OSBPL3: variants seen among roughly 807,000 people sequenced by gnomAD.
OSBPL3 encodes oxysterol-binding protein-related protein 3.
Under a neutral mutation model 120.1 loss-of-function variants are expected in OSBPL3, and 65 were observed. That is an observed-to-expected ratio of 0.54 (90% CI 0.44 to 0.67). OSBPL3 has a LOEUF of 0.67. OSBPL3 is among the 30% of genes least tolerant of loss of function. The pLI, the probability that OSBPL3 is intolerant of heterozygous loss-of-function variation, is 0.00. For synonymous variants in OSBPL3, 416 were observed against 402.6 expected, an observed-to-expected ratio of 1.03 and a Z score of -0.40; for missense variants, 1,004 against 1,082.1, an observed-to-expected ratio of 0.93 and a Z score of 1.01.
At position 24,808,007 on chromosome 7, in the gene OSBPL3, C is replaced by T. The variant is rs1480603664; in HGVS notation, c.2318-1105G>A. Among the ~76,000 whole-genome samples the T allele has an allele frequency of 6.6e-6, 1 of 152,108 alleles. No homozygotes were observed. The highest frequency in any genetic ancestry group is 1.5e-5 in the Non-Finnish European group (1 of 68,024). On this transcript the variant is annotated intron_variant, in intron 20 of 22. Transcript: ENST00000313367. This position sits in a 1 kb window ranked among gnomAD's most constrained non-coding sequence, Gnocchi z 4.6. ...CTACTTCCAGGGTTTAAGTGATTCTCATGCCTCACCCTCCTGAGTAGCTGG... is the reference window on the plus strand; with the variant it reads ...CTACTTCCAGGGTTTAAGTGATTCTTATGCCTCACCCTCCTGAGTAGCTGG...
At chr7:24,869,549 T>C (rs1801819505) in intron 5 of OSBPL3, among the ~76,000 whole-genome samples, 1 of 152,198 alleles carries the variant, frequency 6.6e-6, no homozygotes, top group African/African-American at 2.4e-5. Flanking sequence ...TTTGTTGTCA[T>C]AACTGGAGAA....
rs1372028468 is a variant in OSBPL3 at position 24,820,554 on chromosome 7, C to A, written c.1885-316G>T. ...AAAGACATAAAAATAAAAACGGAGACATGTGAGGACTGCTCATCCATAACA... is the reference window on the plus strand; with the variant it reads ...AAAGACATAAAAATAAAAACGGAGAAATGTGAGGACTGCTCATCCATAACA... On this transcript the variant is annotated intron_variant, in intron 16 of 22. Coordinates refer to ENST00000313367, the MANE Select transcript of OSBPL3 (RefSeq NM_015550.4). The surrounding 1 kb of genome is among the most constrained non-coding windows in gnomAD (Gnocchi z 4.6). 6.6e-6 allele frequency among the ~76,000 whole-genome samples: 1 copy of A among 152,162 alleles called. No individual in the cohort carries two copies. The highest frequency in any genetic ancestry group is 1.9e-4 in the East Asian group (1 of 5,198).
chr7:24,841,206 T>TTA (rs1206174361), intron 13 of OSBPL3, among the ~76,000 whole-genome samples: 1 of 152,170 alleles, frequency 6.6e-6, no homozygotes, highest in Non-Finnish European at 1.5e-5. Context: ...GTACACACTG[T>TTA]TAACTATAAT....
rs1212212260 is a variant in OSBPL3 at position 24,849,594 on chromosome 7, C to A, written c.1159-418G>T. ...TCTGCTTTGAAGAATATGCTGGCCC[C>A]ATCCCTTATGATTGGACATATTTCA... On this transcript the variant is annotated intron_variant, in intron 11 of 22. Coordinates refer to ENST00000313367, the MANE Select transcript of OSBPL3 (RefSeq NM_015550.4). The surrounding 1 kb of genome is among the most constrained non-coding windows in gnomAD (Gnocchi z 5.4). 1.3e-5 allele frequency among the ~76,000 whole-genome samples: 2 copies of A among 152,216 alleles called. No homozygotes were observed. The highest frequency in any genetic ancestry group is 2.9e-5 in the Non-Finnish European group (2 of 68,044).
rs553109805 is a variant in OSBPL3 at position 24,966,323 on chromosome 7, C to G, written c.-150+13563G>C. ...AGACAAAGGTGTCTTATCTGTGGGT[C>G]AGAAAAGGCAGTCATCTAATATAAA... On this transcript the variant is annotated intron_variant, in intron 1 of 22. Coordinates refer to ENST00000313367, the MANE Select transcript of OSBPL3 (RefSeq NM_015550.4). The surrounding 1 kb of genome is among the most constrained non-coding windows in gnomAD (Gnocchi z 4.8). Among the ~76,000 whole-genome samples the G allele has an allele frequency of 3.2e-4, 49 of 152,152 alleles. No individual in the cohort carries two copies. The highest frequency in any genetic ancestry group is 1.2e-3 in the African/African-American group (48 of 41,442).
chr7:24,905,888 C>T (rs900978673), intron 1 of OSBPL3, among the ~76,000 whole-genome samples: 3 of 152,084 alleles, frequency 2.0e-5, no homozygotes, highest in Non-Finnish European at 4.4e-5. Context: ...AAAAGTTAGC[C>T]AAGTGTGGTG....
intron 15 of OSBPL3, among the ~76,000 whole-genome samples, chr7:24,832,019 A>G (rs1796427275): frequency 6.6e-6 from 1 of 151,982 alleles, no homozygotes; most frequent in African/African-American, 2.4e-5. Flanking sequence ...CCTGGACAAC[A>G]TGGCGAAACC....
chr7:24,861,791 A>G, intron 9 of OSBPL3, 22 bp from the exon 10 acceptor site: 1 of 1,524,548 alleles, frequency 6.6e-7, no homozygotes, highest in Non-Finnish European at 8.9e-7. Flanking sequence ...CCAAAGGGAG[A>G]TATTTCTTTT....
At position 24,962,591 on chromosome 7, in the gene OSBPL3, C is replaced by G. The variant is rs558496437; in HGVS notation, c.-150+17295G>C. ...ACGACCCAGGTGGGAACAACCAGAG[C>G]CAAGAATCATCTGTAGAACTAATAT... On this transcript the variant is annotated intron_variant, in intron 1 of 22. Transcript: ENST00000313367. Among the ~76,000 whole-genome samples, 84 of 152,198 alleles carry G rather than the reference C, an allele frequency of 5.5e-4. 1 individual carries two copies. Among genetic ancestry groups the G allele is most frequent in the African/African-American group, 1.9e-3 (80 of 41,526 alleles).
intron 19 of OSBPL3, among the ~76,000 whole-genome samples, chr7:24,810,584 T>C (rs1793667551): frequency 6.6e-6 from 1 of 152,164 alleles, no homozygotes; most frequent in African/African-American, 2.4e-5. Context: ...TTTTCAAGTA[T>C]ACAACACAGT....
chr7:24,941,023 G>A (rs1292626013), intron 1 of OSBPL3, among the ~76,000 whole-genome samples: 1 of 152,098 alleles, frequency 6.6e-6, no homozygotes, highest in African/African-American at 2.4e-5. Context: ...GTTTCACCAT[G>A]TTAGCCAGGA....
intron 1 of OSBPL3, among the ~76,000 whole-genome samples, chr7:24,956,663 C>T (rs1340193832): frequency 6.6e-6 from 1 of 152,172 alleles, no homozygotes; most frequent in Non-Finnish European, 1.5e-5. Flanking sequence ...TTGTATTCTT[C>T]CTTGTAAAAC....
rs1233206704 is a variant in OSBPL3, at chr7:24,872,831, A to G, written c.97-762T>C. Among the ~76,000 whole-genome samples, 1 of 152,204 alleles carries G rather than the reference A, an allele frequency of 6.6e-6. No individual in the cohort carries two copies. The highest frequency in any genetic ancestry group is 2.4e-5 in the African/African-American group (1 of 41,454). On this transcript the variant is annotated intron_variant, in intron 2 of 22. Coordinates refer to ENST00000313367, the MANE Select transcript of OSBPL3 (RefSeq NM_015550.4). This position sits in a 1 kb window ranked among gnomAD's most constrained non-coding sequence, Gnocchi z 4.1. ...ATTTTAAAAGAAATAGAAGAACACTAAAAGTTCTGAAAATTTACTTTTAAA... is the reference window on the plus strand; with the variant it reads ...ATTTTAAAAGAAATAGAAGAACACTGAAAGTTCTGAAAATTTACTTTTAAA...
In OSBPL3 at chr7:24,799,583, T is replaced by C. The variant is rs1457057097; in HGVS notation, c.*600A>G. 1 of 152,288 alleles carries C rather than the reference T, an allele frequency of 6.6e-6. No homozygotes were observed. Among genetic ancestry groups the C allele is most frequent in the Non-Finnish European group, 1.5e-5 (1 of 68,032 alleles). The allele number at this position is 152,288 out of a possible 1,614,324, so 9.4% of individuals were successfully genotyped here. A position where few individuals can be genotyped will look rare whatever the true frequency, so the allele number is the denominator to read the frequency against. ...GCTTCCTTTTCAAGAAGGTGCCGTA[T>C]ACGTCTTATATAAAAATATACATTC... is the stretch of plus-strand genomic sequence containing the variant. On this transcript the variant is annotated 3_prime_UTR_variant, in exon 23 of 23. Coordinates refer to ENST00000313367, the MANE Select transcript of OSBPL3 (RefSeq NM_015550.4). The surrounding 1 kb of genome is among the most constrained non-coding windows in gnomAD (Gnocchi z 5.3).
chr7:24,902,839 C>T (rs953731601), intron 1 of OSBPL3, among the ~76,000 whole-genome samples: 5 of 152,128 alleles, frequency 3.3e-5, no homozygotes, highest in African/African-American at 1.2e-4. Flanking sequence ...CTAGCATGGA[C>T]AGAGGGTCAA....
At chr7:24,919,187 G>T (rs1810076745) in intron 1 of OSBPL3, among the ~76,000 whole-genome samples, 1 of 152,048 alleles carries the variant, frequency 6.6e-6, no homozygotes, top group Non-Finnish European at 1.5e-5. Context: ...GTGGGAGAAG[G>T]ACAGACATCA....
chr7:24,954,353 T>C (rs2710999), intron 1 of OSBPL3, among the ~76,000 whole-genome samples: 129,675 of 152,240 alleles, frequency 0.85, 55,729 homozygotes, highest in African/African-American at 0.96. Flanking sequence ...CAAGGTAAGG[T>C]ATCAGACCAA....
At chr7:24,814,047 A>G (rs1213780234) in intron 19 of OSBPL3, among the ~76,000 whole-genome samples, 1 of 152,162 alleles carries the variant, frequency 6.6e-6, no homozygotes, top group Non-Finnish European at 1.5e-5. Context: ...TGGAGAGCAG[A>G]AAATAAACAC....
At chr7:24,958,915 T>G (rs1024179896) in intron 1 of OSBPL3, among the ~76,000 whole-genome samples, 2 of 152,216 alleles carry the variant, frequency 1.3e-5, no homozygotes, top group Admixed American at 6.5e-5. Context: ...TTCTCTAAGT[T>G]TTTTGTTTAA....
Sources: gnomAD v4.1 joint callset for allele counts (sites outside exome capture counted in the v4.1 genomes callset) on GRCh38, gnomAD v4.1.1 for gene constraint, Gnocchi (gnomAD v3.1) non-coding constraint, MANE v1.5 for transcripts, NCBI Gene and HGNC (gene_info 2026-07-23, HGNC 2026-07-21) for gene names.